Variants in PCED1B observed in about 807,000 individuals in gnomAD.
PCED1B encodes the protein PC-esterase domain containing 1B, also known as PC-esterase domain-containing protein 1B.
For synonymous variants in PCED1B, 251 were observed against 246.1 expected, an observed-to-expected ratio of 1.02 and a Z score of -0.19; for missense variants, 573 against 573.9, an observed-to-expected ratio of 1.00 and a Z score of 0.02.
intron 3 of PCED1B, among the ~76,000 whole-genome samples, chr12:47,229,865 G>A (rs899064396): frequency 1.7e-4 from 26 of 151,920 alleles, no homozygotes; most frequent in African/African-American, 6.0e-4. Context: ...TGCCTCCCGG[G>A]TTCCTGCCAT....
intron 2 of PCED1B, among the ~76,000 whole-genome samples, chr12:47,211,157 G>C (rs1320748480): frequency 6.6e-6 from 1 of 152,108 alleles, no homozygotes; most frequent in African/African-American, 2.4e-5. Flanking sequence ...TTGAATTCTA[G>C]TTATCTGCTT....
intron 2 of PCED1B, among the ~76,000 whole-genome samples, chr12:47,185,361 C>G (rs1475881310): frequency 6.6e-6 from 1 of 152,156 alleles, no homozygotes; most frequent in Admixed American, 6.5e-5. Flanking sequence ...GAAGACAGCC[C>G]TGTGAAGAAG....
At chr12:47,081,008 C>G (rs1020581434) in intron 1 of PCED1B, among the ~76,000 whole-genome samples, 17 of 152,190 alleles carry the variant, frequency 1.1e-4, no homozygotes. Context: ...ACAGAAGGTG[C>G]AAGCCGAACA....
chr12:47,173,506 C>G (rs1941819680), intron 2 of PCED1B, among the ~76,000 whole-genome samples: 1 of 152,174 alleles, frequency 6.6e-6, no homozygotes, highest in African/African-American at 2.4e-5. Flanking sequence ...CCCGCCTTAG[C>G]CTCCCAAAGT....
intron 2 of PCED1B, chr12:47,135,705 AG>A (rs1940329757): frequency 3.8e-6 from 2 of 530,896 alleles, no homozygotes; most frequent in South Asian, 1.4e-5. Flanking sequence ...ATTCTTGAAG[AG>A]GGTGTTGAAT....
At chr12:47,131,059 C>T (rs984175559) in intron 2 of PCED1B, among the ~76,000 whole-genome samples, 4 of 152,176 alleles carry the variant, frequency 2.6e-5, no homozygotes, top group Non-Finnish European at 4.4e-5. Context: ...TTTTTAAAAA[C>T]TGAAGATATC....
intron 2 of PCED1B, chr12:47,135,755 G>A (rs1338447342): frequency 5.6e-6 from 3 of 531,198 alleles, no homozygotes; most frequent in Non-Finnish European, 1.1e-5. Flanking sequence ...AGGTCTCACT[G>A]CAGATGTGGA....
At chr12:47,099,417 A>C (rs1466029475) in intron 1 of PCED1B, among the ~76,000 whole-genome samples, 1 of 152,148 alleles carries the variant, frequency 6.6e-6, no homozygotes. Context: ...TCTTCTGTCC[A>C]TTGTAAATGC....
At chr12:47,187,650 C>T (rs932890592) in intron 2 of PCED1B, among the ~76,000 whole-genome samples, 6 of 152,116 alleles carry the variant, frequency 3.9e-5, no homozygotes, top group African/African-American at 1.2e-4. Flanking sequence ...GCACCAAGGG[C>T]TGGAGGTGAT....
chr12:47,146,913 A>G (rs1461001146), intron 2 of PCED1B, among the ~76,000 whole-genome samples: 1 of 151,622 alleles, frequency 6.6e-6, no homozygotes, highest in African/African-American at 2.4e-5. Context: ...TTCCTCTTGC[A>G]TCTTACTGTA....
intron 2 of PCED1B, among the ~76,000 whole-genome samples, chr12:47,172,770 C>T (rs986061463): frequency 2.0e-5 from 3 of 152,218 alleles, no homozygotes; most frequent in East Asian, 1.9e-4. Context: ...CAGAACCTCT[C>T]TTCCTTTCCT....
intron 2 of PCED1B, among the ~76,000 whole-genome samples, chr12:47,110,741 T>A (rs1939157368): frequency 6.6e-6 from 1 of 152,214 alleles, no homozygotes; most frequent in South Asian, 2.1e-4. Flanking sequence ...GCTGCTTTGA[T>A]CATGCAAACA....
intron 2 of PCED1B, among the ~76,000 whole-genome samples, chr12:47,194,518 A>G (rs542130263): frequency 6.6e-6 from 1 of 152,322 alleles, no homozygotes; most frequent in South Asian, 2.1e-4. Context: ...AGAACCACAA[A>G]TGTCCCTTTG....
intron 1 of PCED1B, among the ~76,000 whole-genome samples, chr12:47,092,651 G>A (rs1471884930): frequency 6.6e-6 from 1 of 151,962 alleles, no homozygotes; most frequent in Non-Finnish European, 1.5e-5. Context: ...GTTTGCTACG[G>A]ATATTTTGTA....
chr12:47,168,488 T>C (rs10881056), intron 2 of PCED1B, among the ~76,000 whole-genome samples: 44,789 of 152,060 alleles, frequency 0.29, 7,064 homozygotes, highest in Admixed American at 0.4. Flanking sequence ...TCCTTTCTGC[T>C]CTTTTACTTA....
At chr12:47,110,782 T>C (rs1401766454) in intron 2 of PCED1B, among the ~76,000 whole-genome samples, 1 of 152,214 alleles carries the variant, frequency 6.6e-6, no homozygotes, top group Non-Finnish European at 1.5e-5. Context: ...AACTAGTGTC[T>C]TCTTTCAGGT....
At chr12:47,164,697 TG>T (rs1941489874) in intron 2 of PCED1B, among the ~76,000 whole-genome samples, 1 of 152,250 alleles carries the variant, frequency 6.6e-6, no homozygotes, top group Non-Finnish European at 1.5e-5. Flanking sequence ...GGTTTCTGCC[TG>T]GGCTCCCAGG....
intron 1 of PCED1B, among the ~76,000 whole-genome samples, chr12:47,080,425 G>T (rs1937635409): frequency 6.6e-6 from 1 of 152,160 alleles, no homozygotes; most frequent in Non-Finnish European, 1.5e-5. Flanking sequence ...CCTGCGCCAA[G>T]TGCAGTTGAC....
chr12:47,173,747 G>C (rs1941827788), intron 2 of PCED1B, among the ~76,000 whole-genome samples: 1 of 152,160 alleles, frequency 6.6e-6, no homozygotes, highest in Admixed American at 6.5e-5. Flanking sequence ...CCAGATAAGA[G>C]AGATTATCTT....
Sources: allele counts gnomAD v4.1 joint callset (sites outside exome capture counted in the v4.1 genomes callset), GRCh38; gene constraint gnomAD v4.1.1; transcripts MANE v1.5; gene names NCBI Gene and HGNC (gene_info 2026-07-23, HGNC 2026-07-21).